The following FHIT variants were observed in gnomAD, a reference collection of about 807,000 sequenced individuals.
The protein encoded by FHIT is bis(5'-adenosyl)-triphosphatase.
In FHIT, 19 loss-of-function variants were observed where a neutral mutation model predicts 17.9. The ratio of observed to expected loss-of-function variants is 1.06; its 90% CI spans 0.74 to 1.56. The LOEUF is 1.56. FHIT is among the 40% of genes most tolerant of loss of function. FHIT has a pLI of 0.00. For missense variants in FHIT, 248 were observed against 189.2 expected (o/e 1.31, Z -1.82); for synonymous variants, 81 against 69.7 (o/e 1.16, Z -0.81).
chr3:60,427,230 G>C (rs1204063787), intron 5 of FHIT, among the ~76,000 whole-genome samples: 1 of 152,100 alleles, frequency 6.6e-6, no homozygotes, highest in African/African-American at 2.4e-5. Flanking sequence ...GGAGACCTGA[G>C]AGCAGCTTCT....
intron 8 of FHIT, among the ~76,000 whole-genome samples, chr3:59,767,574 C>T (rs73094588): frequency 2.2e-4 from 33 of 152,054 alleles, no homozygotes; most frequent in African/African-American, 8.0e-4. Context: ...TTTTTGCTCC[C>T]GGAAAGTGGA....
chr3:59,759,282 T>TGTGAAAGGATCAG (rs1559578852), intron 8 of FHIT, among the ~76,000 whole-genome samples: 1 of 151,480 alleles, frequency 6.6e-6, no homozygotes, highest in Non-Finnish European at 1.5e-5. Context: ...GATGAGAAGA[T>TGTGAAAGGATCAG]AGGCAAGGAA....
intron 5 of FHIT, among the ~76,000 whole-genome samples, chr3:60,030,292 A>G (rs1700946701): frequency 6.6e-6 from 1 of 152,000 alleles, no homozygotes; most frequent in Admixed American, 6.5e-5. Context: ...ATTTTGACAC[A>G]AAAAACAGAA....
At chr3:61,021,835 C>T (rs1174076960) in intron 3 of FHIT, among the ~76,000 whole-genome samples, 1 of 152,116 alleles carries the variant, frequency 6.6e-6, no homozygotes, top group Non-Finnish European at 1.5e-5. Flanking sequence ...CTCTGGGACA[C>T]AGCTAAAGCA....
At chr3:61,048,360 A>T (rs1326260340) in intron 2 of FHIT, among the ~76,000 whole-genome samples, 1 of 152,258 alleles carries the variant, frequency 6.6e-6, no homozygotes, top group Non-Finnish European at 1.5e-5. Flanking sequence ...TTATGCAGCC[A>T]ACAGACACAT....
intron 4 of FHIT, among the ~76,000 whole-genome samples, chr3:60,547,052 T>C (rs1412151211): frequency 6.6e-6 from 1 of 152,170 alleles, no homozygotes; most frequent in African/African-American, 2.4e-5. Flanking sequence ...TAGAGTTTGA[T>C]GGGAAAATTT....
chr3:60,461,932 A>G (rs1559934073), intron 5 of FHIT, among the ~76,000 whole-genome samples: 1 of 152,340 alleles, frequency 6.6e-6, no homozygotes, highest in East Asian at 1.9e-4. Context: ...GGTAAAAACT[A>G]TAACCATCCC....
At chr3:60,497,618 A>C (rs2034353706) in intron 5 of FHIT, among the ~76,000 whole-genome samples, 1 of 152,202 alleles carries the variant, frequency 6.6e-6, no homozygotes, top group African/African-American at 2.4e-5. Context: ...AGACTGTGGA[A>C]GAACCCAGGA....
intron 3 of FHIT, among the ~76,000 whole-genome samples, chr3:61,001,361 T>C (rs1371799624): frequency 6.6e-6 from 1 of 152,220 alleles, no homozygotes; most frequent in African/African-American, 2.4e-5. Flanking sequence ...TAAACATGAA[T>C]GTTCGTAGCA....
intron 5 of FHIT, among the ~76,000 whole-genome samples, chr3:60,092,706 G>A (rs1469457464): frequency 1.3e-5 from 2 of 152,026 alleles, no homozygotes; most frequent in African/African-American, 2.4e-5. Context: ...CAGCAAGAGG[G>A]GCCAAGATAT....
At chr3:60,216,172 C>T (rs769432192) in intron 5 of FHIT, among the ~76,000 whole-genome samples, 3 of 152,088 alleles carry the variant, frequency 2.0e-5, no homozygotes, top group African/African-American at 4.8e-5. Context: ...CAGTTGCCCA[C>T]AAGACTGCAT....
At chr3:59,858,299 T>C (rs1168957831) in intron 8 of FHIT, among the ~76,000 whole-genome samples, 1 of 135,232 alleles carries the variant, frequency 7.4e-6, no homozygotes, top group Non-Finnish European at 1.5e-5. Flanking sequence ...CGATCTCGGC[T>C]CACTCCAACC....
At chr3:60,211,140 T>TAAATGC (rs1476145495) in intron 5 of FHIT, among the ~76,000 whole-genome samples, 3 of 147,172 alleles carry the variant, frequency 2.0e-5, no homozygotes, top group African/African-American at 7.5e-5. Context: ...AAAGTGCAAC[T>TAAATGC]AAATGCTCTC....
chr3:60,736,366 A>G (rs1271527772), intron 4 of FHIT, among the ~76,000 whole-genome samples: 9 of 150,982 alleles, frequency 6.0e-5, no homozygotes, highest in Admixed American at 6.0e-4. Context: ...TATTCTTAAC[A>G]GCCAAAATGT....
intron 5 of FHIT, among the ~76,000 whole-genome samples, chr3:60,125,564 G>A (rs1040107577): frequency 5.9e-5 from 9 of 151,500 alleles, no homozygotes; most frequent in South Asian, 4.2e-4. Context: ...CCCGGGAGGC[G>A]GAGGTTGCAG....
intron 4 of FHIT, among the ~76,000 whole-genome samples, chr3:60,585,687 G>T (rs1448508812): frequency 6.6e-6 from 1 of 151,956 alleles, no homozygotes; most frequent in Non-Finnish European, 1.5e-5. Flanking sequence ...GTTTCTTTTT[G>T]AAACACACCT....
intron 4 of FHIT, among the ~76,000 whole-genome samples, chr3:60,640,172 A>AG (rs1221353016): frequency 2.0e-5 from 3 of 152,320 alleles, no homozygotes; most frequent in African/African-American, 7.2e-5. Context: ...GGAAAGTTTT[A>AG]GGGGTGGCAG....
chr3:60,405,541 C>G (rs988298887), intron 5 of FHIT, among the ~76,000 whole-genome samples: 1 of 152,210 alleles, frequency 6.6e-6, no homozygotes, highest in African/African-American at 2.4e-5. Flanking sequence ...AGGACAAGAA[C>G]TTGGGAACCA....
At chr3:60,872,696 C>A (rs1262946903) in intron 3 of FHIT, among the ~76,000 whole-genome samples, 1 of 152,028 alleles carries the variant, frequency 6.6e-6, no homozygotes, top group Non-Finnish European at 1.5e-5. Context: ...TTTATTGAGA[C>A]AAATCCTCAA....
Sources: allele counts gnomAD v4.1 joint callset (sites outside exome capture counted in the v4.1 genomes callset), GRCh38; gene constraint gnomAD v4.1.1; transcripts MANE v1.5; gene names NCBI Gene and HGNC (gene_info 2026-07-23, HGNC 2026-07-21).